Variants in SEC31A observed in about 807,000 individuals in gnomAD.
The protein encoded by SEC31A is protein transport protein Sec31A.
In SEC31A, 70 loss-of-function variants were observed where a neutral mutation model predicts 151.0. That is an observed-to-expected ratio of 0.46 (90% confidence interval 0.38 to 0.57). SEC31A has a LOEUF of 0.57. Ranked by LOEUF, SEC31A falls within the 20% of genes least tolerant of loss-of-function variation. The probability of loss-of-function intolerance (pLI) is 0.00; values close to 1 mark genes in which losing one functional copy is unlikely to be tolerated. For missense variants in SEC31A, 1,330 were observed against 1,471.2 expected (o/e 0.90, Z 1.57); for synonymous variants, 475 against 505.9 (o/e 0.94, Z 0.82).
intron 22 of SEC31A, among the ~76,000 whole-genome samples, chr4:82,839,780 A>G (rs1482029623): frequency 6.6e-6 from 1 of 152,198 alleles, no homozygotes; most frequent in Admixed American, 6.5e-5. Flanking sequence ...AACACTGAAA[A>G]GTGTTGTCTG....
chr4:82,897,027 C>G (rs1560686501), intron 3 of SEC31A, among the ~76,000 whole-genome samples: 1 of 152,204 alleles, frequency 6.6e-6, no homozygotes, highest in Non-Finnish European at 1.5e-5. Flanking sequence ...TGGCAGAACA[C>G]TAATTCGTGC....
In SEC31A at chr4:82,818,868, C is replaced by T. The variant is rs1303724996; in HGVS notation, c.*206G>A. On this transcript the variant is annotated 3_prime_UTR_variant, in exon 27 of 27. Coordinates refer to ENST00000395310, the MANE Select transcript of SEC31A (RefSeq NM_001077207.4). ...ACTATTTGCAGAATAGGAAAATCATCACTGGCAACAAAAGATTAAAACAAA... is the reference window on the plus strand; with the variant it reads ...ACTATTTGCAGAATAGGAAAATCATTACTGGCAACAAAAGATTAAAACAAA... 1.5e-5 allele frequency: 6 copies of T among 389,812 alleles called. No homozygotes were observed. The highest frequency in any genetic ancestry group is 2.3e-5 in the Non-Finnish European group (5 of 221,584). The allele number at this position is 389,812 out of a possible 1,614,324, so 24.1% of individuals were successfully genotyped here.
chr4:82,857,100 A>G lies in SEC31A; in HGVS notation c.1733T>C (p.Leu578Pro). 1 of 1,613,278 alleles carries G rather than the reference A, an allele frequency of 6.2e-7. No individual in the cohort carries two copies. The highest frequency in any genetic ancestry group is 8.5e-7 in the Non-Finnish European group (1 of 1,179,862). ...DIDGLITQAL[L>P]TGNFESAVDL... ...AACAGCACTCTCAAAATTGCCCGTC[A>G]GCAAAGCCTGAGTAATTAAACCATC... Residue 578 changes from leucine (L) to proline (P), a missense_variant, in exon 16 of 27, where the codon CTG (leucine) becomes CCG (proline). Physicochemically the swap from Leu to Pro is moderately conservative, Grantham distance 98. Coordinates refer to ENST00000395310, the MANE Select transcript of SEC31A (RefSeq NM_001077207.4).
At chr4:82,874,035 C>T (rs1428806280) in intron 6 of SEC31A, among the ~76,000 whole-genome samples, 2 of 152,002 alleles carry the variant, frequency 1.3e-5, no homozygotes, top group Non-Finnish European at 2.9e-5. Context: ...CACAGAAGCT[C>T]ATGCCTGTAA....
intron 22 of SEC31A, among the ~76,000 whole-genome samples, chr4:82,837,434 A>C (rs1425558240): frequency 6.6e-6 from 1 of 151,968 alleles, no homozygotes; most frequent in Non-Finnish European, 1.5e-5. Context: ...ACAGGGTCTC[A>C]CTGCCGCCTA....
At chr4:82,830,905 A>C (rs1725796339) in intron 22 of SEC31A, 13 of 1,089,074 alleles carry the variant, frequency 1.2e-5, no homozygotes, top group Non-Finnish European at 1.5e-5. Flanking sequence ...TTATTCAAAG[A>C]TTTCCAAAGG....
chr4:82,845,299 T>C (rs1224943390), intron 20 of SEC31A: 9 of 1,456,178 alleles, frequency 6.2e-6, no homozygotes, highest in African/African-American at 1.4e-5. Flanking sequence ...CTAACCTGAA[T>C]TGAACAAAGA....
At chr4:82,847,277 C>T (rs1392613576) in intron 20 of SEC31A, among the ~76,000 whole-genome samples, 1 of 152,148 alleles carries the variant, frequency 6.6e-6, no homozygotes, top group Non-Finnish European at 1.5e-5. Flanking sequence ...CCTCTCTCAC[C>T]CCCTTGCCTC....
At chr4:82,824,824 G>T in intron 24 of SEC31A, 150 bp from the exon 25 acceptor site, 1 of 890,526 alleles carries the variant, frequency 1.1e-6, no homozygotes, top group Non-Finnish European at 1.6e-6. Flanking sequence ...AATCACTTAC[G>T]ATAAGTAAAA....
chr4:82,891,078 GC>G lies in SEC31A; in HGVS notation c.-5+9del. 6.5e-7 allele frequency: 1 copy of G among 1,535,914 alleles called. No homozygotes were observed. Among genetic ancestry groups the G allele is most frequent in the Non-Finnish European group, 8.7e-7 (1 of 1,146,776 alleles). ...CGGCGAAGAGGACAAAAAGCAACGGGCGGACGCACCTGGCGAGGACCTTCGG... is the reference window on the plus strand; with the variant it reads ...CGGCGAAGAGGACAAAAAGCAACGGGGGACGCACCTGGCGAGGACCTTCGG... On this transcript the variant is annotated intron_variant, in intron 1 of 26. Transcript: ENST00000395310.
intron 1 of SEC31A, among the ~76,000 whole-genome samples, 164 bp from the exon 2 acceptor site, chr4:82,882,104 C>T (rs1246443752): frequency 6.6e-6 from 1 of 152,150 alleles, no homozygotes; most frequent in Non-Finnish European, 1.5e-5. Flanking sequence ...TGGATATATT[C>T]ATTAGAAAGA....
At chr4:82,846,043 C>G (rs1443067546) in intron 20 of SEC31A, among the ~76,000 whole-genome samples, 1 of 151,994 alleles carries the variant, frequency 6.6e-6, no homozygotes, top group African/African-American at 2.4e-5. Flanking sequence ...CTCACTCTGT[C>G]GCTAGGCTGA....
intron 14 of SEC31A, among the ~76,000 whole-genome samples, chr4:82,860,353 C>T (rs936168295): frequency 1.3e-5 from 2 of 152,142 alleles, no homozygotes; most frequent in Admixed American, 6.5e-5. Flanking sequence ...TATTTCTTAC[C>T]TATTATTCAT....
chr4:82,831,820 A>C (rs536748817), intron 22 of SEC31A, among the ~76,000 whole-genome samples: 77 of 152,324 alleles, frequency 5.1e-4, no homozygotes, highest in Non-Finnish European at 9.4e-4. Flanking sequence ...AATTGCTACT[A>C]AGAGAATAAA....
intron 14 of SEC31A, among the ~76,000 whole-genome samples, chr4:82,858,944 G>A (rs573354751): frequency 8.8e-4 from 133 of 151,938 alleles, no homozygotes; most frequent in African/African-American, 2.7e-3. Context: ...CTCATGATCC[G>A]CCCTCCTTGG....
chr4:82,868,718 CAG>C (rs531783560), intron 8 of SEC31A, among the ~76,000 whole-genome samples: 246 of 152,020 alleles, frequency 1.6e-3, no homozygotes, highest in African/African-American at 5.7e-3. Context: ...ATTTTTGAGA[CAG>C]GGTCTCACAC....
rs1731452751 is a variant in SEC31A, at chr4:82,851,550, T to C, written c.2209A>G (p.Met737Val). The C allele has an allele frequency of 3.7e-6, 6 of 1,613,548 alleles. No homozygotes were observed. Among genetic ancestry groups the C allele is most frequent in the Non-Finnish European group, 5.1e-6 (6 of 1,179,726 alleles). Reference sequence around the variant, plus strand: ...AGAACTCCTACAGTACTAGTGTCCATGGCTTGAGTGAGTTGCACAGCTTTT... The same window carrying C: ...AGAACTCCTACAGTACTAGTGTCCACGGCTTGAGTGAGTTGCACAGCTTTT... ...LRKAVQLTQA[M>V]DTSTVGVLLA... The change falls in exon 19 of 27, where the codon ATG becomes GTG. Residue 737 changes from methionine to valine, a missense_variant. Physicochemically the swap from Met to Val is conservative, Grantham distance 21 (BLOSUM62 1). Coordinates refer to ENST00000395310, the MANE Select transcript of SEC31A (RefSeq NM_001077207.4).
chr4:82,897,611 T>C (rs1003308853), intron 3 of SEC31A, among the ~76,000 whole-genome samples: 2 of 152,096 alleles, frequency 1.3e-5, no homozygotes, highest in Admixed American at 6.6e-5. Flanking sequence ...TAGTGGTACA[T>C]GCATGTGGTC....
At chr4:82,819,866 A>G (rs1326322047) in intron 26 of SEC31A, among the ~76,000 whole-genome samples, 2 of 151,824 alleles carry the variant, frequency 1.3e-5, no homozygotes, top group Non-Finnish European at 2.9e-5. Flanking sequence ...GGTTCAAGCG[A>G]TTCTCCTGCC....
Sources: gnomAD v4.1 joint callset for allele counts (sites outside exome capture counted in the v4.1 genomes callset) on GRCh38, gnomAD v4.1.1 for gene constraint, MANE v1.5 for transcripts, NCBI Gene and HGNC (gene_info 2026-07-23, HGNC 2026-07-21) for gene names.